Variants in IGSF11 observed in about 807,000 individuals in gnomAD.
IGSF11 encodes immunoglobulin superfamily member 11.
IGSF11 carries 22 observed loss-of-function variants against 41.0 expected under a neutral mutation model. The ratio of observed to expected loss-of-function variants is 0.54; its 90% CI spans 0.38 to 0.77. The LOEUF (loss-of-function observed/expected upper bound fraction) is 0.77, where lower values mean the gene tolerates loss of function less well. Ranked by LOEUF, IGSF11 falls within the 30% of genes least tolerant of loss-of-function variation. The pLI, the probability that IGSF11 is intolerant of heterozygous loss-of-function variation, is 0.00. For synonymous variants in IGSF11, 219 were observed against 201.3 expected (o/e 1.09, Z -0.74); for missense variants, 444 against 530.8 (o/e 0.84, Z 1.61).
At chr3:119,044,513 C>T (rs1941242878) in intron 1 of IGSF11, among the ~76,000 whole-genome samples, 1 of 152,096 alleles carries the variant, frequency 6.6e-6, no homozygotes, top group Non-Finnish European at 1.5e-5. Flanking sequence ...GAAAACTTCC[C>T]TGGTCTTGCT....
rs538441677 is a variant in IGSF11, at chr3:119,125,522, G to A, written c.-14+20291C>T. On this transcript the variant is annotated intron_variant, in intron 1 of 7. Coordinates refer to the IGSF11 transcript ENST00000425327. ...TGTTAAAAAGTACATTCACAAGGGC[G>A]GGACGGTGTATTGTCACAAGGGCAG... Among the ~76,000 whole-genome samples the A allele has an allele frequency of 2.6e-5, 4 of 152,112 alleles. No individual in the cohort carries two copies. In the East Asian group the frequency reaches 5.8e-4, roughly 22 times the overall value.
At chr3:118,913,642 C>A (rs1940639124) in intron 4 of IGSF11, among the ~76,000 whole-genome samples, 1 of 152,050 alleles carries the variant, frequency 6.6e-6, no homozygotes, top group Admixed American at 6.6e-5. Context: ...CAATGTAATA[C>A]CTACTGAAGG....
intron 1 of IGSF11, among the ~76,000 whole-genome samples, chr3:119,134,663 C>T (rs996151363): frequency 6.6e-6 from 1 of 152,076 alleles, no homozygotes; most frequent in Admixed American, 6.5e-5. Flanking sequence ...AGATTTAATG[C>T]CATCCCCATC....
At chr3:119,083,244 C>G (rs992841493) in intron 1 of IGSF11, among the ~76,000 whole-genome samples, 2 of 151,110 alleles carry the variant, frequency 1.3e-5, no homozygotes, top group Non-Finnish European at 1.5e-5. Context: ...CTCAGCCTCA[C>G]GAGGAGCTGG....
intron 1 of IGSF11, among the ~76,000 whole-genome samples, chr3:119,138,821 C>A (rs191376606): frequency 6.6e-6 from 1 of 152,136 alleles, no homozygotes; most frequent in Admixed American, 6.5e-5. Context: ...GAAATAAAAA[C>A]AATTGAACTC....
chr3:118,933,853 C>T (rs557808286), intron 1 of IGSF11, among the ~76,000 whole-genome samples: 11 of 152,018 alleles, frequency 7.2e-5, no homozygotes, highest in African/African-American at 2.2e-4. Context: ...AGTTTCAGTC[C>T]GCCTCACCCT....
At chr3:119,124,264 G>A (rs928358684) in intron 1 of IGSF11, among the ~76,000 whole-genome samples, 3 of 106,092 alleles carry the variant, frequency 2.8e-5, no homozygotes, top group African/African-American at 1.1e-4. Flanking sequence ...ACACATCAGA[G>A]CCTTTTTTTT....
intron 1 of IGSF11, among the ~76,000 whole-genome samples, chr3:119,052,635 C>A (rs1016191136): frequency 6.6e-6 from 1 of 151,764 alleles, no homozygotes; most frequent in African/African-American, 2.4e-5. Context: ...CTCCCTAAAT[C>A]ATTCTATGAA....
chr3:119,031,149 C>A (rs943232958), intron 1 of IGSF11, among the ~76,000 whole-genome samples: 1 of 152,044 alleles, frequency 6.6e-6, no homozygotes, highest in African/African-American at 2.4e-5. Flanking sequence ...CCTGGCTACT[C>A]GGGAGGCTGA....
intron 4 of IGSF11, among the ~76,000 whole-genome samples, chr3:118,924,586 T>C (rs1417955865): frequency 6.6e-6 from 1 of 152,150 alleles, no homozygotes; most frequent in Non-Finnish European, 1.5e-5. Flanking sequence ...TTCACTTTTA[T>C]ACCTAAAGTT....
intron 1 of IGSF11, among the ~76,000 whole-genome samples, chr3:119,113,004 A>T (rs765014980): frequency 2.6e-5 from 4 of 152,134 alleles, no homozygotes; most frequent in Non-Finnish European, 4.4e-5. Flanking sequence ...ACAAAGGGGG[A>T]GGTGCTACAC....
intron 1 of IGSF11, among the ~76,000 whole-genome samples, chr3:119,047,467 C>G (rs1035605143): frequency 2.6e-5 from 4 of 152,124 alleles, no homozygotes; most frequent in Non-Finnish European, 5.9e-5. Flanking sequence ...TATATATGCA[C>G]CCAATACAGG....
At chr3:119,031,551 A>G (rs1940398103) in intron 1 of IGSF11, among the ~76,000 whole-genome samples, 1 of 152,226 alleles carries the variant, frequency 6.6e-6, no homozygotes, top group Non-Finnish European at 1.5e-5. Context: ...GGGGAGGGGA[A>G]GCCAAAACAA....
chr3:118,993,731 T>C (rs906111251), intron 1 of IGSF11, among the ~76,000 whole-genome samples: 15 of 152,280 alleles, frequency 9.9e-5, no homozygotes, highest in Middle Eastern at 3.4e-3. Flanking sequence ...GAAAACATTA[T>C]ATAAAGTGAA....
intron 1 of IGSF11, among the ~76,000 whole-genome samples, chr3:118,949,654 G>T (rs570062397): frequency 3.3e-5 from 5 of 152,288 alleles, no homozygotes; most frequent in South Asian, 2.1e-4. Flanking sequence ...TTGCAAATTA[G>T]GTGGGCATTG....
chr3:118,913,293 G>C (rs569086379), intron 4 of IGSF11, among the ~76,000 whole-genome samples: 5 of 152,014 alleles, frequency 3.3e-5, no homozygotes, highest in Non-Finnish European at 7.4e-5. Context: ...TTTTCCAGAA[G>C]TGACAAAAAA....
rs1385048682 is a variant in IGSF11, at chr3:118,917,187, A to C, written c.580+8914T>G. ...TCCAAAATTGACACCCTAACATCAC[A>C]ATTAAAAGAACTAGAAAAGCAAGAG... On this transcript the variant is annotated intron_variant, in intron 4 of 6. Coordinates refer to ENST00000393775, the MANE Select transcript of IGSF11 (RefSeq NM_001015887.3). Among the ~76,000 whole-genome samples, 166 of 147,556 alleles carry C rather than the reference A, an allele frequency of 1.1e-3. 1 individual carries two copies. The highest frequency in any genetic ancestry group is 2.1e-3 in the Admixed American group (31 of 14,816).
upstream of IGSF11, among the ~76,000 whole-genome samples, chr3:119,039,591 C>T (rs1478645137): frequency 3.3e-5 from 5 of 152,138 alleles, no homozygotes; most frequent in Admixed American, 6.5e-5. Context: ...GTGGGGGGCC[C>T]TTATTCTGAT....
chr3:119,049,101 CCT>C (rs1183428774), intron 1 of IGSF11, among the ~76,000 whole-genome samples: 1 of 151,550 alleles, frequency 6.6e-6, no homozygotes, highest in African/African-American at 2.4e-5. Context: ...ACAGGGATGC[CCT>C]CTCTCACCAC....
Sources: gnomAD v4.1 joint callset for allele counts (sites outside exome capture counted in the v4.1 genomes callset) on GRCh38, gnomAD v4.1.1 for gene constraint, MANE v1.5 for transcripts, NCBI Gene and HGNC (gene_info 2026-07-23, HGNC 2026-07-21) for gene names.